The following ELL variants were observed in gnomAD, a reference collection of about 807,000 sequenced individuals.
ELL encodes the protein elongation factor for RNA polymerase II, also known as RNA polymerase II elongation factor ELL.
ELL carries 18 observed loss-of-function variants against 64.0 expected under a neutral mutation model. That is an observed-to-expected ratio of 0.28 (90% CI 0.19 to 0.42). The LOEUF is 0.42. ELL is among the 10% of genes least tolerant of loss of function. The pLI, the probability that ELL is intolerant of heterozygous loss-of-function variation, is 1.00. For synonymous variants in ELL, 399 were observed against 376.2 expected, an observed-to-expected ratio of 1.06 and a Z score of -0.70; for missense variants, 797 against 870.4, an observed-to-expected ratio of 0.92 and a Z score of 1.06.
intron 2 of ELL, among the ~76,000 whole-genome samples, chr19:18,466,473 G>A (rs1186011367): frequency 6.6e-6 from 1 of 152,186 alleles, no homozygotes; most frequent in Non-Finnish European, 1.5e-5. Context: ...GTGTCCCAGG[G>A]GCTCACAGAT....
intron 1 of ELL, among the ~76,000 whole-genome samples, chr19:18,488,740 A>G (rs1352440915): frequency 1.3e-5 from 2 of 151,872 alleles, no homozygotes; most frequent in African/African-American, 4.9e-5. Context: ...ACTTTAAGCA[A>G]AGGAGGAGAC....
chr19:18,453,264 G>A (rs1422861586), intron 6 of ELL, among the ~76,000 whole-genome samples: 1 of 152,198 alleles, frequency 6.6e-6, no homozygotes, highest in Non-Finnish European at 1.5e-5. Flanking sequence ...ACAAGACCGA[G>A]ACTCCGTCTC....
chr19:18,472,586 G>C, intron 2 of ELL: 1 of 506,544 alleles, frequency 2.0e-6, no homozygotes, highest in South Asian at 3.1e-5. Context: ...GGTGCACATC[G>C]CTGCATGAAG....
At position 18,444,606 on chromosome 19, in the gene ELL, G is replaced by A; in HGVS notation, c.*146C>T. 1.2e-6 allele frequency: 1 copy of A among 842,922 alleles called. No individual in the cohort carries two copies. 52.2% of individuals were successfully genotyped at this position (842,922 alleles called of 1,614,324 possible). ...AGGTGGGCTTGCAGCCACCCGCCAG[G>A]GCCAGACGTCTGCAGGGGCTGCCCT... On this transcript the variant is annotated 3_prime_UTR_variant, in exon 12 of 12. Coordinates refer to ENST00000262809, the MANE Select transcript of ELL (RefSeq NM_006532.4).
chr19:18,458,319 A>T lies in ELL; in HGVS notation c.755T>A (p.Met252Lys). The T allele has an allele frequency of 6.2e-7, 1 of 1,610,844 alleles. No individual in the cohort carries two copies. Residue 252 changes from methionine to lysine, a missense_variant, in exon 6 of 12, where the codon ATG (methionine) becomes AAG (lysine). Transcript: ENST00000262809. ...TGTACACGTGCCGTCCTTAGCACTCATGTTGGCCACCTGCAAGACAGAGCC... is the reference window on the plus strand; with the variant it reads ...TGTACACGTGCCGTCCTTAGCACTCTTGTTGGCCACCTGCAAGACAGAGCC... The part of the protein sequence containing the change: ...LDGLLQQVAN[M>K]SAKDGTCTLQ...
chr19:18,509,436 T>C (rs1975950141), intron 1 of ELL, among the ~76,000 whole-genome samples: 2 of 152,172 alleles, frequency 1.3e-5, no homozygotes, highest in South Asian at 4.2e-4. Context: ...GGAGTCACCC[T>C]TCCGAAAGAA....
At chr19:18,506,616 T>C (rs191882117) in intron 1 of ELL, among the ~76,000 whole-genome samples, 1 of 152,172 alleles carries the variant, frequency 6.6e-6, no homozygotes, top group Non-Finnish European at 1.5e-5. Flanking sequence ...TCCCAGCTAT[T>C]TGGGAGGCTG....
rs1382099459 is a variant in ELL at position 18,449,707 on chromosome 19, CT to C, written c.1465+769del. 6.6e-6 allele frequency among the ~76,000 whole-genome samples: 1 copy of C among 152,250 alleles called. No individual in the cohort carries two copies. Among genetic ancestry groups the C allele is most frequent in the Non-Finnish European group, 1.5e-5 (1 of 68,042 alleles). On this transcript the variant is annotated intron_variant, in intron 8 of 11. Transcript: ENST00000262809. This position sits in a 1 kb window ranked among gnomAD's most constrained non-coding sequence, Gnocchi z 4.4. ...CTGGCGCCGAGAGCGAAGTGGCCAT[CT>C]GCAACTGGCCGCCATCGCCACATGG...
chr19:18,446,610 C>T, intron 9 of ELL, 130 bp from the exon 10 acceptor site: 2 of 1,490,622 alleles, frequency 1.3e-6, no homozygotes, highest in Non-Finnish European at 9.1e-7. Context: ...GGGCCTGGCC[C>T]AGAAGAGGCT....
intron 1 of ELL, among the ~76,000 whole-genome samples, chr19:18,510,686 T>C (rs760773179): frequency 1.3e-5 from 2 of 152,010 alleles, no homozygotes; most frequent in African/African-American, 2.4e-5. Flanking sequence ...CCACACCCAT[T>C]AAGATGGCTA....
At chr19:18,505,100 C>T (rs1180201907) in intron 1 of ELL, among the ~76,000 whole-genome samples, 1 of 152,184 alleles carries the variant, frequency 6.6e-6, no homozygotes, top group African/African-American at 2.4e-5. Context: ...CGACTGAGAA[C>T]GATGGGCAAC....
At chr19:18,518,831 T>C (rs998871910) in intron 1 of ELL, among the ~76,000 whole-genome samples, 1 of 149,686 alleles carries the variant, frequency 6.7e-6, no homozygotes, top group African/African-American at 2.5e-5. Flanking sequence ...AAGTCCAAGG[T>C]AGAGTGAGAA....
intron 1 of ELL, among the ~76,000 whole-genome samples, chr19:18,474,860 C>G (rs1213527560): frequency 6.6e-6 from 1 of 152,200 alleles, no homozygotes; most frequent in African/African-American, 2.4e-5. Flanking sequence ...AGGTGGTTCA[C>G]GCCTGTAATC....
intron 1 of ELL, among the ~76,000 whole-genome samples, chr19:18,497,815 CAAAA>C (rs58521941): frequency 5.5e-5 from 3 of 54,224 alleles, no homozygotes; most frequent in Non-Finnish European, 7.0e-5. Flanking sequence ...GATCTCATCT[CAAAA>C]AAAAAAAAAA....
At chr19:18,507,753 T>C (rs539877207) in intron 1 of ELL, among the ~76,000 whole-genome samples, 4 of 152,344 alleles carry the variant, frequency 2.6e-5, no homozygotes, top group East Asian at 1.9e-4. Context: ...GATTGCACTG[T>C]GTAGGTTGTG....
At position 18,501,689 on chromosome 19, in the gene ELL, C is replaced by T. The variant is rs771360424; in HGVS notation, c.135+20232G>A. Among the ~76,000 whole-genome samples the T allele has an allele frequency of 2.6e-5, 4 of 152,228 alleles. No individual in the cohort carries two copies. Among genetic ancestry groups the T allele is most frequent in the Non-Finnish European group, 4.4e-5 (3 of 68,036 alleles). On this transcript the variant is annotated intron_variant, in intron 1 of 11. Transcript: ENST00000262809. This position sits in a 1 kb window ranked among gnomAD's most constrained non-coding sequence, Gnocchi z 4.5. The stretch of plus-strand genomic sequence containing the variant: ...GCACTTCCCACTGGTCCATCTGACA[C>T]ACCTGGGGGCCCAAGAGGTGATGGC...
At chr19:18,458,443 C>G in intron 5 of ELL, 114 bp from the exon 6 acceptor site, 5 of 1,487,616 alleles carry the variant, frequency 3.4e-6, no homozygotes, top group Non-Finnish European at 3.6e-6. Flanking sequence ...GGGAGACAGA[C>G]AGAGACAGAG....
chr19:18,464,851 T>A (rs1974902193), intron 4 of ELL, among the ~76,000 whole-genome samples: 2 of 152,226 alleles, frequency 1.3e-5, no homozygotes, highest in Admixed American at 6.5e-5. Flanking sequence ...GCTTCTCAAC[T>A]GCTGAAACCG....
At chr19:18,489,756 G>C (rs2144952480) in intron 1 of ELL, among the ~76,000 whole-genome samples, 1 of 152,234 alleles carries the variant, frequency 6.6e-6, no homozygotes, top group East Asian at 1.9e-4. Flanking sequence ...CGTCATCAGA[G>C]AGGCTTTCCA....
Sources: allele counts gnomAD v4.1 joint callset (sites outside exome capture counted in the v4.1 genomes callset), GRCh38; gene constraint gnomAD v4.1.1; non-coding constraint Gnocchi (gnomAD v3.1); transcripts MANE v1.5; gene names NCBI Gene and HGNC (gene_info 2026-07-23, HGNC 2026-07-21).